HMCN2: variants seen among roughly 807,000 people sequenced by gnomAD.
HMCN2 encodes hemicentin-2.
A neutral mutation model predicts 377.5 loss-of-function variants in HMCN2; 325 were observed. The observed-to-expected ratio is 0.86, with a 90% CI of 0.79 to 0.94. The LOEUF (loss-of-function observed/expected upper bound fraction) is 0.94, where lower values mean the gene tolerates loss of function less well. HMCN2 is among the 40% of genes least tolerant of loss of function. The pLI is 0.00. For missense variants in HMCN2, 4,543 were observed against 4,725.3 expected, an observed-to-expected ratio of 0.96 and a Z score of 1.13; for synonymous variants, 2,007 against 2,046.8, an observed-to-expected ratio of 0.98 and a Z score of 0.53.
At chr9:130,310,083 C>T (rs1471914986) in intron 15 of HMCN2, 22 bp downstream of exon 15, 5 of 502,990 alleles carry the variant, frequency 9.9e-6, no homozygotes, top group Admixed American at 6.2e-5. Context: ...CCTTGTCTCC[C>T]CCTCCCCTGC....
chr9:130,380,104 G>A (rs770723573), intron 54 of HMCN2, among the ~76,000 whole-genome samples: 84 of 152,294 alleles, frequency 5.5e-4, no homozygotes, highest in Non-Finnish European at 6.5e-4. Flanking sequence ...TCAAACTCCC[G>A]ACCTCAGGTG....
intron 31 of HMCN2, among the ~76,000 whole-genome samples, chr9:130,354,097 T>C (rs974446710): frequency 1.3e-5 from 2 of 152,180 alleles, no homozygotes; most frequent in African/African-American, 2.4e-5. Context: ...TGTATGTGTA[T>C]GTTTTCATTA....
At position 130,382,201 on chromosome 9, in the gene HMCN2, A is replaced by T. The variant is rs1841764135; in HGVS notation, c.8449A>T (p.Ile2817Phe). ...SVLQGGRVLQ[I>F]PLVRAENAGR... Reference sequence around the variant, plus strand: ...CCCTGCAGGAGGCCGGGTCCTGCAGATCCCCCTGGTGCGGGCAGAGAACGC... The same window carrying T: ...CCCTGCAGGAGGCCGGGTCCTGCAGTTCCCCCTGGTGCGGGCAGAGAACGC... The change falls in exon 55 of 98, where the codon ATC becomes TTC. Residue 2817 changes from isoleucine to phenylalanine, a missense_variant. By Grantham distance (21) the Ile-to-Phe change is conservative (BLOSUM62 0). This residue lies in a region of HMCN2 where 736 missense variants were observed against 773.2 expected (regional missense o/e 0.95). Coordinates refer to ENST00000683500, the MANE Select transcript of HMCN2 (RefSeq NM_001291815.2). The T allele has an allele frequency of 3.0e-6, 3 of 985,692 alleles. No individual in the cohort carries two copies. The highest frequency in any genetic ancestry group is 1.2e-4 in the Admixed American group (2 of 16,270). 61.1% of individuals were successfully genotyped at this position (985,692 alleles called of 1,614,324 possible).
chr9:130,392,167 T>TA, intron 66 of HMCN2, 49 bp downstream of exon 66: 1 of 980,640 alleles, frequency 1.0e-6, no homozygotes, highest in African/African-American at 1.7e-5. Flanking sequence ...AGAGTGGACA[T>TA]GTGGGGATTG....
intron 85 of HMCN2, among the ~76,000 whole-genome samples, chr9:130,417,339 T>C (rs1564875323): frequency 6.6e-6 from 1 of 151,726 alleles, no homozygotes; most frequent in African/African-American, 2.4e-5. Context: ...ATGATCAATA[T>C]GGCAAAACCC....
intron 4 of HMCN2, among the ~76,000 whole-genome samples, chr9:130,291,241 C>A (rs571850730): frequency 4.6e-5 from 7 of 152,298 alleles, no homozygotes; most frequent in African/African-American, 1.7e-4. Context: ...TGGAGTTTTG[C>A]TCTTGTCACC....
At position 130,396,079 on chromosome 9, in the gene HMCN2, G is replaced by A. The variant is rs753624516; in HGVS notation, c.11053+14G>A. On this transcript the variant is annotated intron_variant, in intron 72 of 97. Transcript: ENST00000683500. ...TGGAGATCCACAGTGAGTAGGGCCC[G>A]CCCCACCCCACCCTGCCCACCTTAC... 6 of 488,814 alleles carry A rather than the reference G, an allele frequency of 1.2e-5. No individual in the cohort carries two copies. Among genetic ancestry groups the A allele is most frequent in the Admixed American group, 6.0e-5 (1 of 16,786 alleles). The allele number at this position is 488,814 out of a possible 1,614,324, so 30.3% of individuals were successfully genotyped here. A position where few individuals can be genotyped will look rare whatever the true frequency, so the allele number is the denominator to read the frequency against.
At position 130,424,991 on chromosome 9, in the gene HMCN2, G is replaced by A. The variant is rs1385005890; in HGVS notation, c.13520-18G>A. 2 of 1,536,044 alleles carry A rather than the reference G, an allele frequency of 1.3e-6. No individual in the cohort carries two copies. Among genetic ancestry groups the A allele is most frequent in the Admixed American group, 2.0e-5 (1 of 49,984 alleles). On this transcript the variant is annotated intron_variant, in intron 88 of 97. Transcript: ENST00000683500. Reference sequence around the variant, plus strand: ...GACCTCCCGTGGTGACTCTGGGCTGGGTGGGGATGGTTTGCAGGGGAGCTG... The same window carrying A: ...GACCTCCCGTGGTGACTCTGGGCTGAGTGGGGATGGTTTGCAGGGGAGCTG...
chr9:130,282,698 G>A (rs1052313100), intron 1 of HMCN2, among the ~76,000 whole-genome samples: 1 of 152,188 alleles, frequency 6.6e-6, no homozygotes. Context: ...ACTGAGCTCC[G>A]CCAACTGGTT....
Position 130,384,706 on chromosome 9 carries a change from G to A in HMCN2, c.9014G>A (p.Gly3005Glu). Residue 3005 changes from glycine (G) to glutamate (E), a missense_variant, in exon 59 of 98, where the codon GGG becomes GAG. Physicochemically the swap from Gly to Glu is moderately conservative, Grantham distance 98. Coordinates refer to ENST00000683500, the MANE Select transcript of HMCN2 (RefSeq NM_001291815.2). ...LLPGTHTLQL[G>E]RARLSDSGMY... ...GCAGGCACCCACACGCTGCAGCTGG[G>A]GAGAGCACGGCTGTCGGACTCCGGG... 1 of 1,302,528 alleles carries A rather than the reference G, an allele frequency of 7.7e-7. No homozygotes were observed. Among genetic ancestry groups the A allele is most frequent in the Non-Finnish European group, 1.0e-6 (1 of 988,938 alleles). 80.7% of individuals were successfully genotyped at this position (1,302,528 alleles called of 1,614,324 possible). A position where few individuals can be genotyped will look rare whatever the true frequency, so the allele number is the denominator to read the frequency against.
intron 93 of HMCN2, 61 bp from the exon 94 acceptor site, chr9:130,429,496 C>T (rs1844604297): frequency 6.5e-7 from 1 of 1,544,554 alleles, no homozygotes; most frequent in Non-Finnish European, 8.7e-7. Flanking sequence ...GATGGTCCGT[C>T]CCTTGGGGGA....
At position 130,348,596 on chromosome 9, in the gene HMCN2, C is replaced by T. The variant is rs1376218609; in HGVS notation, c.4076C>T (p.Ala1359Val). 1 of 1,304,280 alleles carries T rather than the reference C, an allele frequency of 7.7e-7. No individual in the cohort carries two copies. Among genetic ancestry groups the T allele is most frequent in the Non-Finnish European group, 1.0e-6 (1 of 988,954 alleles). 80.8% of individuals were successfully genotyped at this position (1,304,280 alleles called of 1,614,324 possible). The change falls in exon 27 of 98, where the codon GCC (alanine) becomes GTC (valine). Residue 1359 changes from alanine (A) to valine (V), a missense_variant. Physicochemically the swap from Ala to Val is moderately conservative, Grantham distance 64. This residue lies in a region of HMCN2 where 1,032 missense variants were observed against 1,285.1 expected (regional missense o/e 0.80). Coordinates refer to ENST00000683500, the MANE Select transcript of HMCN2 (RefSeq NM_001291815.2). ...DGRKANVSGMAGQSLTLECDA... is the reference protein window; with the variant it reads ...DGRKANVSGMVGQSLTLECDA... ...CGCAAGGCCAACGTGTCGGGTATGG[C>T]CGGGCAGTCCCTGACGCTGGAGTGT...
At chr9:130,383,636 C>A (rs1449443801) in intron 57 of HMCN2, 36 bp downstream of exon 57, 6 of 956,100 alleles carry the variant, frequency 6.3e-6, no homozygotes, top group Non-Finnish European at 7.5e-6. Flanking sequence ...CTGTGGGTTC[C>A]TTTTCCCTTC....
intron 87 of HMCN2, among the ~76,000 whole-genome samples, chr9:130,424,561 A>T (rs1022501433): frequency 3.9e-5 from 6 of 152,172 alleles, no homozygotes; most frequent in Admixed American, 3.3e-4. Context: ...TAAATTTATT[A>T]ATTTCAGTTA....
chr9:130,344,493 GTGTGGTGTATGTA>G (rs1839234126), intron 25 of HMCN2, among the ~76,000 whole-genome samples: 1 of 150,724 alleles, frequency 6.6e-6, no homozygotes, highest in Admixed American at 6.6e-5. Flanking sequence ...TGGTGTTTGT[GTGTGGTGTATGTA>G]TGTGGTGTGT....
At chr9:130,405,620 C>A (rs565434173) in intron 81 of HMCN2, among the ~76,000 whole-genome samples, 1 of 152,364 alleles carries the variant, frequency 6.6e-6, no homozygotes, top group Non-Finnish European at 1.5e-5. Context: ...CCTCTTGGAG[C>A]CCCTGTTGGG....
chr9:130,400,167 C>T (rs1376661469), intron 76 of HMCN2: 2 of 152,644 alleles, frequency 1.3e-5, no homozygotes, highest in South Asian at 4.1e-4. Flanking sequence ...GCCACTTCCC[C>T]TGGAGGTCTC....
chr9:130,274,609 T>C (rs1370343401), intron 1 of HMCN2, among the ~76,000 whole-genome samples: 1 of 152,214 alleles, frequency 6.6e-6, no homozygotes, highest in African/African-American at 2.4e-5. Flanking sequence ...TACATGCTTG[T>C]AAAATATTCT....
chr9:130,410,486 G>C, intron 84 of HMCN2, 85 bp from the exon 85 acceptor site: 1 of 1,267,612 alleles, frequency 7.9e-7, no homozygotes, highest in Non-Finnish European at 1.1e-6. Flanking sequence ...TTGCTGGCTG[G>C]CTGCCCTCAG....
Sources: gnomAD v4.1 joint callset for allele counts (sites outside exome capture counted in the v4.1 genomes callset) on GRCh38, gnomAD v4.1.1 for gene constraint, gnomAD v4.1.1 regional missense constraint, MANE v1.5 for transcripts, NCBI Gene and HGNC (gene_info 2026-07-23, HGNC 2026-07-21) for gene names.